Variants in PHACTR1 observed in about 807,000 individuals in gnomAD.
The protein encoded by PHACTR1 is RPEL repeat containing 1.
Under a neutral mutation model 69.2 loss-of-function variants are expected in PHACTR1, and 16 were observed. The ratio of observed to expected loss-of-function variants is 0.23; its 90% CI spans 0.16 to 0.35. The LOEUF (loss-of-function observed/expected upper bound fraction) is 0.35, where lower values mean the gene tolerates loss of function less well. Ranked by LOEUF, PHACTR1 falls within the 10% of genes least tolerant of loss-of-function variation. The probability of loss-of-function intolerance (pLI) is 1.00; values close to 1 mark genes in which losing one functional copy is unlikely to be tolerated. For synonymous variants in PHACTR1, 312 were observed against 284.5 expected (o/e 1.10, Z -0.97); for missense variants, 510 against 734.7 (o/e 0.69, Z 3.54).
At position 12,845,188 on chromosome 6, in the gene PHACTR1, A is replaced by G. The variant is rs1188285012; in HGVS notation, c.250+95398A>G. ...GCGTGATTATGTGTTTGGGCTGCTT[A>G]TACATCAATGCATGATTTATAAGAG... On this transcript the variant is annotated intron_variant, in intron 4 of 14. Coordinates refer to ENST00000332995, the MANE Select transcript of PHACTR1 (RefSeq NM_030948.6). Among the ~76,000 whole-genome samples the G allele has an allele frequency of 2.6e-5, 4 of 152,320 alleles. No individual in the cohort carries two copies. The South Asian group carries it at 6.2e-4, about 24-fold the overall frequency.
chr6:13,008,983 CAGAGGCTCTTGGGG>C (rs1799143346), intron 4 of PHACTR1, among the ~76,000 whole-genome samples: 1 of 152,160 alleles, frequency 6.6e-6, no homozygotes, highest in African/African-American at 2.4e-5. Flanking sequence ...AAGATCCCTC[CAGAGGCTCTTGGGG>C]AGAGTCTGTT....
At chr6:12,814,055 A>T (rs896420001) in intron 4 of PHACTR1, among the ~76,000 whole-genome samples, 1 of 152,184 alleles carries the variant, frequency 6.6e-6, no homozygotes, top group African/African-American at 2.4e-5. Flanking sequence ...CCCTGTGAAG[A>T]CACATCCCTC....
At chr6:13,136,326 C>T (rs1375098284) in intron 5 of PHACTR1, among the ~76,000 whole-genome samples, 5 of 152,226 alleles carry the variant, frequency 3.3e-5, no homozygotes, top group Admixed American at 2.6e-4. Context: ...CAGCTTCTTT[C>T]CTTAAAACTC....
chr6:12,784,403 C>T (rs575084810), intron 4 of PHACTR1, among the ~76,000 whole-genome samples: 1 of 151,812 alleles, frequency 6.6e-6, no homozygotes, highest in East Asian at 1.9e-4. Flanking sequence ...TACATATACA[C>T]ACATATCTAT....
intron 6 of PHACTR1, among the ~76,000 whole-genome samples, chr6:13,170,243 A>G (rs968880409): frequency 6.6e-6 from 1 of 152,348 alleles, no homozygotes; most frequent in African/African-American, 2.4e-5. Context: ...GCAGATAACC[A>G]TCAGATATTT....
rs1384166951 is a variant in PHACTR1, at chr6:13,205,819, T to C, written c.669T>C (p.Pro223=). The change falls in exon 8 of 15, where the codon CCT becomes CCC. Residue 223 remains proline, a synonymous_variant. Transcript: ENST00000332995. The part of the protein sequence containing the change: ...QPSDIMDGPD[P]GAPVKLPCLP... Reference sequence around the variant, plus strand: ...CTCGCCCTCTTTCTGCCACAGATCCTGGCGCCCCTGTGAAATTGCCTTGTC... The same window carrying C: ...CTCGCCCTCTTTCTGCCACAGATCCCGGCGCCCCTGTGAAATTGCCTTGTC... The C allele has an allele frequency of 6.3e-7, 1 of 1,581,692 alleles. No individual in the cohort carries two copies. Among genetic ancestry groups the C allele is most frequent in the East Asian group, 2.3e-5 (1 of 44,286 alleles).
At chr6:13,180,475 C>G (rs746062666) in intron 6 of PHACTR1, among the ~76,000 whole-genome samples, 1 of 152,130 alleles carries the variant, frequency 6.6e-6, no homozygotes, top group Non-Finnish European at 1.5e-5. Context: ...GTCATCCAAC[C>G]GCAGTTACAT....
chr6:13,114,506 A>T (rs960352893), intron 5 of PHACTR1, among the ~76,000 whole-genome samples: 5 of 152,202 alleles, frequency 3.3e-5, no homozygotes, highest in Non-Finnish European at 7.3e-5. Context: ...AATGTAAAGT[A>T]ACAAATATAC....
At chr6:13,061,077 G>A (rs768313353) in intron 5 of PHACTR1, among the ~76,000 whole-genome samples, 4 of 152,104 alleles carry the variant, frequency 2.6e-5, no homozygotes, top group Admixed American at 1.3e-4. Flanking sequence ...AATCCTTGGT[G>A]TTCCTTGGCT....
intron 4 of PHACTR1, among the ~76,000 whole-genome samples, chr6:12,763,970 T>C (rs773747613): frequency 1.3e-5 from 2 of 152,136 alleles, no homozygotes; most frequent in Non-Finnish European, 2.9e-5. Context: ...CTGAGAAATA[T>C]GTGATTTCTT....
intron 4 of PHACTR1, among the ~76,000 whole-genome samples, chr6:12,972,348 C>T (rs902716348): frequency 6.6e-6 from 1 of 152,140 alleles, no homozygotes; most frequent in African/African-American, 2.4e-5. Flanking sequence ...TGGTAGATTG[C>T]CCAGCATTAA....
chr6:12,725,509 T>C (rs1023360039), intron 3 of PHACTR1, among the ~76,000 whole-genome samples: 2 of 152,200 alleles, frequency 1.3e-5, no homozygotes, highest in African/African-American at 4.8e-5. Context: ...TCATCATCTA[T>C]GATTCTGCCT....
chr6:13,218,396 C>T (rs1267507870), intron 8 of PHACTR1, among the ~76,000 whole-genome samples: 1 of 152,202 alleles, frequency 6.6e-6, no homozygotes, highest in Non-Finnish European at 1.5e-5. Flanking sequence ...TATAATGACC[C>T]AGACTCACTG....
At chr6:12,732,920 G>T (rs1386631556) in intron 3 of PHACTR1, among the ~76,000 whole-genome samples, 1 of 152,122 alleles carries the variant, frequency 6.6e-6, no homozygotes, top group African/African-American at 2.4e-5. Context: ...GATCTGTTCT[G>T]CCATTATTTA....
intron 4 of PHACTR1, among the ~76,000 whole-genome samples, chr6:12,960,289 T>C (rs1210668665): frequency 6.6e-6 from 1 of 152,250 alleles, no homozygotes; most frequent in African/African-American, 2.4e-5. Context: ...ATTGTTGTTA[T>C]CATTTATGGT....
chr6:12,868,021 A>C (rs1022056047), intron 4 of PHACTR1, among the ~76,000 whole-genome samples: 2 of 152,182 alleles, frequency 1.3e-5, no homozygotes, highest in African/African-American at 4.8e-5. Flanking sequence ...GCACTTTGGG[A>C]GGCCAAGGCG....
chr6:13,272,209 C>T (rs1777881623), intron 10 of PHACTR1: 1 of 152,460 alleles, frequency 6.6e-6, no homozygotes, highest in African/African-American at 2.4e-5. Context: ...GCCTGTCCCG[C>T]CTCCACCCAT....
intron 3 of PHACTR1, among the ~76,000 whole-genome samples, chr6:12,734,567 G>A (rs534668742): frequency 6.6e-6 from 1 of 152,196 alleles, no homozygotes; most frequent in South Asian, 2.1e-4. Flanking sequence ...ATTGTACTGT[G>A]AACCATTACT....
chr6:13,249,463 A>G (rs1283098654), intron 10 of PHACTR1, among the ~76,000 whole-genome samples: 1 of 152,124 alleles, frequency 6.6e-6, no homozygotes, highest in Non-Finnish European at 1.5e-5. Flanking sequence ...AGGCCCCAGA[A>G]GATTACATTT....
Sources: gnomAD v4.1 joint callset for allele counts (sites outside exome capture counted in the v4.1 genomes callset) on GRCh38, gnomAD v4.1.1 for gene constraint, MANE v1.5 for transcripts, NCBI Gene and HGNC (gene_info 2026-07-23, HGNC 2026-07-21) for gene names.